SMARCA2: variants seen among roughly 807,000 people sequenced by gnomAD.
SMARCA2 encodes the protein SWI/SNF-related matrix-associated actin-dependent regulator of chromatin subfamily A member 2.
A neutral mutation model predicts 199.8 loss-of-function variants in SMARCA2; 61 were observed. The observed-to-expected ratio is 0.31, with a 90% confidence interval of 0.25 to 0.38. SMARCA2 has a LOEUF of 0.38. Among genes scored for constraint, SMARCA2 ranks in the 10% least tolerant of loss-of-function variants. The pLI is 1.00. For missense variants in SMARCA2, 1,344 were observed against 2,012.2 expected (o/e 0.67, Z 6.35); for synonymous variants, 935 against 732.0 (o/e 1.28, Z -4.48).
At position 2,064,752 on chromosome 9, in the gene SMARCA2, G is replaced by T. The variant is rs546243822; in HGVS notation, c.1692+3766G>T. On this transcript the variant is annotated intron_variant, in intron 9 of 33. Transcript: ENST00000349721. ...CCTGTTCCCCCAACTCCTACAAAGAGAATTTTCTAATTACATGGCCTCTAC... is the reference window on the plus strand; with the variant it reads ...CCTGTTCCCCCAACTCCTACAAAGATAATTTTCTAATTACATGGCCTCTAC... Among the ~76,000 whole-genome samples the T allele has an allele frequency of 3.3e-5, 5 of 152,256 alleles. No homozygotes were observed. The South Asian group carries it at 1.0e-3, about 32-fold the overall frequency.
chr9:2,191,169 G>A, intron 32 of SMARCA2, 97 bp from the exon 33 acceptor site: 1 of 1,192,854 alleles, frequency 8.4e-7, no homozygotes. Context: ...ACTCTGGGAT[G>A]TTTGTGTTGT....
At chr9:2,053,241 C>T (rs532473822) in intron 5 of SMARCA2, among the ~76,000 whole-genome samples, 3 of 152,176 alleles carry the variant, frequency 2.0e-5, no homozygotes, top group East Asian at 3.9e-4. Context: ...TTTTCTGTTC[C>T]GGCATTAATT....
intron 29 of SMARCA2, among the ~76,000 whole-genome samples, chr9:2,177,422 G>C (rs1005907844): frequency 6.6e-6 from 1 of 151,860 alleles, no homozygotes; most frequent in Non-Finnish European, 1.5e-5. Context: ...CTATCTATTA[G>C]CTATTCTGGT....
chr9:2,073,079 T>A, intron 10 of SMARCA2, 133 bp from the exon 11 acceptor site: 2 of 1,009,612 alleles, frequency 2.0e-6, no homozygotes, highest in Non-Finnish European at 2.9e-6. Context: ...CCAACACTCA[T>A]TAGGTAGTGA....
In SMARCA2 at chr9:2,016,667, G is replaced by T. The variant is rs1167650373; in HGVS notation, c.-37+1263G>T. Reference sequence around the variant, plus strand: ...CGGGAAGGGGAAGGGCTGCGGTGGGGAGGGAATAGGGGGGTGGCGAGGGCG... The same window carrying T: ...CGGGAAGGGGAAGGGCTGCGGTGGGTAGGGAATAGGGGGGTGGCGAGGGCG... On this transcript the variant is annotated intron_variant, in intron 1 of 33. Transcript: ENST00000349721. The surrounding 1 kb of genome is among the most constrained non-coding windows in gnomAD (Gnocchi z 5.6). 1.3e-5 allele frequency among the ~76,000 whole-genome samples: 2 copies of T among 149,156 alleles called. No individual in the cohort carries two copies. Among genetic ancestry groups the T allele is most frequent in the African/African-American group, 4.9e-5 (2 of 40,842 alleles).
chr9:2,079,460 A>G (rs1183326474), intron 14 of SMARCA2, among the ~76,000 whole-genome samples: 1 of 152,222 alleles, frequency 6.6e-6, no homozygotes, highest in Admixed American at 6.5e-5. Context: ...CCAGTACAGT[A>G]CTGCCTTGAT....
rs1826197135 is a variant in SMARCA2 at position 2,170,600 on chromosome 9, G to T, written c.4253+128G>T. The stretch of plus-strand genomic sequence containing the variant: ...GTCACCTCCTGATCACCCCTACTTG[G>T]AGAGCGGGATAGAGGCACAGATACT... On this transcript the variant is annotated intron_variant, in intron 29 of 33. Transcript: ENST00000349721. The surrounding 1 kb of genome is among the most constrained non-coding windows in gnomAD (Gnocchi z 4.7). 4 of 1,476,674 alleles carry T rather than the reference G, an allele frequency of 2.7e-6. No individual in the cohort carries two copies. The highest frequency in any genetic ancestry group is 1.4e-5 in the African/African-American group (1 of 72,344). 91.5% of individuals were successfully genotyped at this position (1,476,674 alleles called of 1,614,324 possible). A position where few individuals can be genotyped will look rare whatever the true frequency, so the allele number is the denominator to read the frequency against.
intron 28 of SMARCA2, 104 bp downstream of exon 28, chr9:2,162,007 G>A (rs1204605544): frequency 1.2e-6 from 1 of 825,144 alleles, no homozygotes; most frequent in Non-Finnish European, 1.9e-6. Context: ...TTTTATTAAG[G>A]TTCTTTCTAG....
chr9:2,187,022 G>A (rs1255131836), intron 32 of SMARCA2, among the ~76,000 whole-genome samples: 2 of 152,176 alleles, frequency 1.3e-5, no homozygotes, highest in Admixed American at 1.3e-4. Context: ...ATTCCCAGGG[G>A]GAACTGATGA....
At chr9:2,136,323 G>A (rs1586741758) in intron 27 of SMARCA2, among the ~76,000 whole-genome samples, 2 of 151,840 alleles carry the variant, frequency 1.3e-5, no homozygotes, top group East Asian at 3.9e-4. Context: ...GAGTAGCTGG[G>A]ATTACAGGCA....
At chr9:2,166,587 T>G (rs1297983617) in intron 28 of SMARCA2, among the ~76,000 whole-genome samples, 1 of 152,232 alleles carries the variant, frequency 6.6e-6, no homozygotes, top group Non-Finnish European at 1.5e-5. Flanking sequence ...TGCATGATGC[T>G]GTACCTCTAA....
In SMARCA2 at chr9:2,123,820, C is replaced by A; in HGVS notation, c.3864C>A (p.Asp1288Glu). The A allele has an allele frequency of 6.2e-7, 1 of 1,612,986 alleles. No homozygotes were observed. The highest frequency in any genetic ancestry group is 8.5e-7 in the Non-Finnish European group (1 of 1,179,568). ...DELPSWIIKD[D>E]AEVERLTCEE... is the part of the protein sequence containing the mutation. ...TGCCCTCCTGGATCATTAAGGATGA[C>A]GCTGAAGTAGAAAGGCTCACCTGTG... is the stretch of plus-strand genomic sequence containing the variant. Residue 1288 changes from aspartate to glutamate, a missense_variant, in exon 27 of 34, where the codon GAC becomes GAA. Transcript: ENST00000349721. This position sits in a 1 kb window ranked among gnomAD's most constrained non-coding sequence, Gnocchi z 4.1.
At chr9:2,156,868 C>G (rs927803771) in intron 27 of SMARCA2, among the ~76,000 whole-genome samples, 1 of 152,192 alleles carries the variant, frequency 6.6e-6, no homozygotes, top group Non-Finnish European at 1.5e-5. Flanking sequence ...CACTAACTCC[C>G]CGGCCGTCTT....
intron 14 of SMARCA2, among the ~76,000 whole-genome samples, chr9:2,078,487 A>G (rs559862147): frequency 6.6e-6 from 1 of 152,112 alleles, no homozygotes; most frequent in East Asian, 1.9e-4. Flanking sequence ...AAAAAAAGAA[A>G]CAATAAAATT....
At chr9:2,078,926 C>T (rs1019244443) in intron 14 of SMARCA2, among the ~76,000 whole-genome samples, 2 of 151,878 alleles carry the variant, frequency 1.3e-5, no homozygotes, top group African/African-American at 4.8e-5. Context: ...GCCTCGGCAA[C>T]AGAGTGAGAC....
chr9:2,165,148 C>A (rs1057170691), intron 28 of SMARCA2, among the ~76,000 whole-genome samples: 4 of 152,162 alleles, frequency 2.6e-5, no homozygotes, highest in African/African-American at 7.2e-5. Context: ...GAAAGAAATA[C>A]CACCTGTGCT....
chr9:2,049,361 A>G (rs1287037520), intron 5 of SMARCA2, among the ~76,000 whole-genome samples: 3 of 152,226 alleles, frequency 2.0e-5, no homozygotes, highest in African/African-American at 7.2e-5. Flanking sequence ...CAAAGTGCAC[A>G]GTATTAAGTA....
intron 27 of SMARCA2, among the ~76,000 whole-genome samples, chr9:2,153,855 T>C (rs1486200750): frequency 6.6e-6 from 1 of 152,114 alleles, no homozygotes; most frequent in Admixed American, 6.5e-5. Flanking sequence ...GCTGGAAGTG[T>C]GTTTATCTGT....
In SMARCA2 at chr9:2,016,582, T is replaced by A. The variant is rs1818362443; in HGVS notation, c.-37+1178T>A. Among the ~76,000 whole-genome samples the A allele has an allele frequency of 6.6e-6, 1 of 151,668 alleles. No homozygotes were observed. The highest frequency in any genetic ancestry group is 1.5e-5 in the Non-Finnish European group (1 of 67,898). On this transcript the variant is annotated intron_variant, in intron 1 of 33. Coordinates refer to ENST00000349721, the MANE Select transcript of SMARCA2 (RefSeq NM_003070.5). The surrounding 1 kb of genome is among the most constrained non-coding windows in gnomAD (Gnocchi z 5.6). ...GGAGGCCATGATCCGGATAATCCTG[T>A]CTGCCTGACTGTCACAAACAGGACC... is the stretch of plus-strand genomic sequence containing the variant.
Sources: gnomAD v4.1 joint callset for allele counts (sites outside exome capture counted in the v4.1 genomes callset) on GRCh38, gnomAD v4.1.1 for gene constraint, Gnocchi (gnomAD v3.1) non-coding constraint, MANE v1.5 for transcripts, NCBI Gene and HGNC (gene_info 2026-07-23, HGNC 2026-07-21) for gene names.